Variants in INSL6 observed in about 807,000 individuals in gnomAD.
INSL6 encodes insulin like 6, also known as insulin-like peptide INSL6.
INSL6 carries 16 observed loss-of-function variants against 9.4 expected under a neutral mutation model. That is an observed-to-expected ratio of 1.70 (90% CI 1.15 to 2.59). The LOEUF (loss-of-function observed/expected upper bound fraction) is 2.59. Ranked by LOEUF, INSL6 falls within the 30% of genes most tolerant of loss-of-function variation. The pLI is 0.00. For synonymous variants in INSL6, 154 were observed against 96.9 expected (o/e 1.59, Z -3.46); for missense variants, 391 against 257.3 (o/e 1.52, Z -3.56).
intron 2 of INSL6, among the ~76,000 whole-genome samples, chr9:5,149,053 G>C (rs1204950318): frequency 6.6e-6 from 1 of 152,200 alleles, no homozygotes; most frequent in Non-Finnish European, 1.5e-5. Context: ...GTCTCTGCCA[G>C]AGCTGCCCCA....
chr9:5,140,657 C>T (rs1458682367), intron 2 of INSL6, among the ~76,000 whole-genome samples: 1 of 152,078 alleles, frequency 6.6e-6, no homozygotes, highest in Non-Finnish European at 1.5e-5. Context: ...CCCAGACTGT[C>T]ACCAGTGGCA....
intron 1 of INSL6, among the ~76,000 whole-genome samples, chr9:5,165,309 G>C (rs1400955533): frequency 6.6e-6 from 1 of 152,182 alleles, no homozygotes; most frequent in African/African-American, 2.4e-5. Context: ...CCTAGGGATG[G>C]AACACTGCAT....
the INSL6 span, chr9:5,112,030 G>T: frequency 2.5e-6 from 1 of 407,278 alleles, no homozygotes; most frequent in South Asian, 1.8e-5. Flanking sequence ...GGAGTCCCTG[G>T]TGCCTTATCA....
chr9:5,073,037 C>T, the INSL6 span, among the ~76,000 whole-genome samples: 36 of 152,246 alleles, frequency 2.4e-4, no homozygotes, highest in African/African-American at 8.7e-4. Context: ...GGGCATCATC[C>T]AGAGATGCTA....
the INSL6 span, among the ~76,000 whole-genome samples, chr9:5,078,975 C>G: frequency 3.9e-4 from 59 of 152,080 alleles, no homozygotes; most frequent in African/African-American, 1.4e-3. Flanking sequence ...TTTTTTGGGT[C>G]TAGATAATTA....
chr9:5,035,623 C>T, the INSL6 span, among the ~76,000 whole-genome samples: 2 of 152,060 alleles, frequency 1.3e-5, no homozygotes, highest in African/African-American at 2.4e-5. Flanking sequence ...ACAGAACTAA[C>T]GGCAAAAACC....
chr9:5,094,398 A>G, the INSL6 span: 1 of 152,102 alleles, frequency 6.6e-6, no homozygotes, highest in Admixed American at 6.6e-5. Context: ...TTCTAGCCAC[A>G]TCAAGCCTAG....
At chr9:5,044,584 C>A in the INSL6 span, 2 of 1,036,164 alleles carry the variant, frequency 1.9e-6, no homozygotes, top group Non-Finnish European at 2.8e-6. Context: ...TTTAATAAGT[C>A]ACTTAATCAG....
intron 2 of INSL6, among the ~76,000 whole-genome samples, chr9:5,135,877 G>C (rs1189580443): frequency 6.6e-6 from 1 of 151,960 alleles, no homozygotes; most frequent in African/African-American, 2.4e-5. Flanking sequence ...TACACGGCTA[G>C]CCAGATTAAT....
the INSL6 span, among the ~76,000 whole-genome samples, chr9:4,992,419 A>T: frequency 6.6e-6 from 1 of 152,140 alleles, no homozygotes; most frequent in African/African-American, 2.4e-5. Context: ...TTGATGGGGG[A>T]GTGGCAAGTT....
downstream of INSL6, among the ~76,000 whole-genome samples, chr9:5,160,859 T>C (rs993272789): frequency 2.0e-5 from 3 of 152,126 alleles, no homozygotes; most frequent in Admixed American, 6.6e-5. Context: ...TAAATTCCTA[T>C]ACACATACAA....
chr9:5,027,375 C>T, the INSL6 span, among the ~76,000 whole-genome samples: 2 of 152,114 alleles, frequency 1.3e-5, no homozygotes, highest in African/African-American at 2.4e-5. Context: ...AAAGTACATA[C>T]CTTAATTTAA....
At chr9:5,159,309 AT>A (rs1824875310), downstream of INSL6, among the ~76,000 whole-genome samples, 1 of 152,146 alleles carries the variant, frequency 6.6e-6, no homozygotes, top group Non-Finnish European at 1.5e-5. Flanking sequence ...ACAAAATTGA[AT>A]GTGAGGGGAC....
rs766638891 is a variant in INSL6 at position 5,138,708 on chromosome 9, T to G, written c.377-5116A>C. Among the ~76,000 whole-genome samples the G allele has an allele frequency of 2.9e-5, 4 of 138,844 alleles. No homozygotes were observed. The South Asian group carries it at 9.9e-4, about 34-fold the overall frequency. 91.1% of individuals were successfully genotyped at this position (138,844 alleles called of 152,430 possible). A position where few individuals can be genotyped will look rare whatever the true frequency, so the allele number is the denominator to read the frequency against. On this transcript the variant is annotated intron_variant, in intron 2 of 3. Transcript: ENST00000649639. ...AACAAACCTGCACTTTCGGTACATG[T>G]ACCCCAGAACTTAAACTATAATAAA...
At chr9:5,012,721 T>A in the INSL6 span, among the ~76,000 whole-genome samples, 1 of 152,208 alleles carries the variant, frequency 6.6e-6, no homozygotes, top group Non-Finnish European at 1.5e-5. Context: ...GCAGATGAGG[T>A]TCTTTGTTGA....
intron 1 of INSL6, among the ~76,000 whole-genome samples, chr9:5,174,417 C>G (rs1825252679): frequency 6.6e-6 from 1 of 152,228 alleles, no homozygotes; most frequent in South Asian, 2.1e-4. Context: ...ATTCAACAGC[C>G]ATTCACATCT....
chr9:5,094,279 C>G, the INSL6 span: 1 of 152,338 alleles, frequency 6.6e-6, no homozygotes, highest in Admixed American at 6.5e-5. Flanking sequence ...TCTACTGTTA[C>G]CCTTTATATC....
At chr9:5,047,664 T>G in the INSL6 span, among the ~76,000 whole-genome samples, 1 of 152,220 alleles carries the variant, frequency 6.6e-6, no homozygotes, top group African/African-American at 2.4e-5. Flanking sequence ...TTTTATTTTT[T>G]TATAGAGATT....
the INSL6 span, chr9:5,082,006 T>C: frequency 7.3e-6 from 5 of 684,176 alleles, no homozygotes; most frequent in Non-Finnish European, 1.2e-5. Flanking sequence ...GGAGAAATGC[T>C]GTGTTAAATA....
Sources: gnomAD v4.1 joint callset for allele counts (sites outside exome capture counted in the v4.1 genomes callset) on GRCh38, gnomAD v4.1.1 for gene constraint, MANE v1.5 for transcripts, NCBI Gene and HGNC (gene_info 2026-07-23, HGNC 2026-07-21) for gene names.